TMEFF2: variants seen among roughly 807,000 people sequenced by gnomAD.
The protein encoded by TMEFF2 is transmembrane protein with EGF like and two follistatin like domains 2.
Under a neutral mutation model 53.8 loss-of-function variants are expected in TMEFF2, and 28 were observed. The ratio of observed to expected loss-of-function variants is 0.52; its 90% CI spans 0.39 to 0.71. The LOEUF is 0.71. Ranked by LOEUF, TMEFF2 falls within the 30% of genes least tolerant of loss-of-function variation. The pLI is 0.00. For synonymous variants in TMEFF2, 162 were observed against 166.3 expected (o/e 0.97, Z 0.20); for missense variants, 353 against 455.2 (o/e 0.78, Z 2.04).
chr2:192,147,619 T>A (rs1000828475), intron 4 of TMEFF2, among the ~76,000 whole-genome samples: 1 of 152,020 alleles, frequency 6.6e-6, no homozygotes, highest in Non-Finnish European at 1.5e-5. Flanking sequence ...CTGAGAATGA[T>A]GGTTTCCATT....
intron 5 of TMEFF2, among the ~76,000 whole-genome samples, chr2:192,001,962 C>T (rs1686374095): frequency 6.6e-6 from 1 of 152,170 alleles, no homozygotes; most frequent in Admixed American, 6.5e-5. Context: ...TAAGCTTTAA[C>T]ACCAAATTGA....
intron 4 of TMEFF2, among the ~76,000 whole-genome samples, chr2:192,073,197 G>T (rs957244531): frequency 1.3e-5 from 2 of 151,904 alleles, no homozygotes; most frequent in African/African-American, 4.8e-5. Context: ...TTTTAAATGG[G>T]GAAGATGTGT....
intron 3 of TMEFF2, among the ~76,000 whole-genome samples, chr2:192,182,850 A>G (rs1559161493): frequency 6.6e-6 from 1 of 151,658 alleles, no homozygotes; most frequent in African/African-American, 2.4e-5. Context: ...ACTATTTCTC[A>G]TTTCTTTGGT....
chr2:192,163,819 A>T (rs1690689192), intron 4 of TMEFF2, among the ~76,000 whole-genome samples: 1 of 152,306 alleles, frequency 6.6e-6, no homozygotes, highest in Non-Finnish European at 1.5e-5. Flanking sequence ...GTGCTAAATG[A>T]CGTGATGGGG....
intron 4 of TMEFF2, among the ~76,000 whole-genome samples, chr2:192,118,503 C>T (rs1375404707): frequency 6.6e-6 from 1 of 152,114 alleles, no homozygotes; most frequent in Non-Finnish European, 1.5e-5. Flanking sequence ...CTGAAGTGCC[C>T]TCCTTGTGTG....
chr2:192,094,324 G>T (rs1246325807), intron 4 of TMEFF2, among the ~76,000 whole-genome samples: 1 of 152,070 alleles, frequency 6.6e-6, no homozygotes, highest in African/African-American at 2.4e-5. Flanking sequence ...ATTTTAATGT[G>T]TGATGCAGCT....
At chr2:191,960,434 A>T (rs1692239219) in intron 7 of TMEFF2, among the ~76,000 whole-genome samples, 1 of 152,148 alleles carries the variant, frequency 6.6e-6, no homozygotes, top group African/African-American at 2.4e-5. Flanking sequence ...CAGAGAATTG[A>T]CTAGTTCTGA....
At chr2:192,082,707 C>T (rs886921604) in intron 4 of TMEFF2, among the ~76,000 whole-genome samples, 13 of 152,224 alleles carry the variant, frequency 8.5e-5, no homozygotes, top group East Asian at 1.9e-4. Flanking sequence ...TGACATTCCT[C>T]GAGAATTAGA....
intron 4 of TMEFF2, among the ~76,000 whole-genome samples, chr2:192,135,125 T>C (rs971158362): frequency 2.0e-5 from 3 of 152,220 alleles, no homozygotes; most frequent in Non-Finnish European, 4.4e-5. Flanking sequence ...TCATCCCTAC[T>C]ATTTTCTGTC....
At chr2:192,138,916 G>C (rs1574408249) in intron 4 of TMEFF2, among the ~76,000 whole-genome samples, 1 of 152,082 alleles carries the variant, frequency 6.6e-6, no homozygotes, top group Non-Finnish European at 1.5e-5. Flanking sequence ...TTTTCTCCCT[G>C]GGGGGTTCAA....
intron 4 of TMEFF2, among the ~76,000 whole-genome samples, chr2:192,089,052 TTGTC>T (rs1314077217): frequency 6.6e-6 from 1 of 152,108 alleles, no homozygotes; most frequent in East Asian, 1.9e-4. Flanking sequence ...CAGTAGACAT[TTGTC>T]TGGTAAGTAC....
At chr2:192,013,911 GTAAA>G (rs1377732043) in intron 5 of TMEFF2, among the ~76,000 whole-genome samples, 1 of 151,126 alleles carries the variant, frequency 6.6e-6, no homozygotes, top group African/African-American at 2.5e-5. Context: ...AAATGAATAA[GTAAA>G]TGAATACATT....
At chr2:191,971,199 C>T (rs570190872) in intron 7 of TMEFF2, among the ~76,000 whole-genome samples, 2 of 152,292 alleles carry the variant, frequency 1.3e-5, no homozygotes, top group African/African-American at 4.8e-5. Context: ...TAGTTATTAA[C>T]TAAATGGTAC....
chr2:192,125,601 G>T (rs1204817937), intron 4 of TMEFF2, among the ~76,000 whole-genome samples: 1 of 152,130 alleles, frequency 6.6e-6, no homozygotes, highest in African/African-American at 2.4e-5. Flanking sequence ...ATTCACAATA[G>T]TAAAGACATG....
intron 4 of TMEFF2, among the ~76,000 whole-genome samples, chr2:192,082,470 A>C (rs1224706968): frequency 6.6e-6 from 1 of 152,186 alleles, no homozygotes; most frequent in East Asian, 1.9e-4. Context: ...AATGCTACCA[A>C]AAACAAATGA....
intron 4 of TMEFF2, among the ~76,000 whole-genome samples, chr2:192,092,633 CT>C (rs1362383786): frequency 6.6e-6 from 1 of 152,076 alleles, no homozygotes; most frequent in African/African-American, 2.4e-5. Context: ...CAAAAGCATT[CT>C]TGCTGATGTG....
chr2:191,985,429 G>A (rs917255297), intron 7 of TMEFF2, among the ~76,000 whole-genome samples: 2 of 152,052 alleles, frequency 1.3e-5, no homozygotes, highest in African/African-American at 4.8e-5. Context: ...GTATCAGAGG[G>A]ATTTACCTCA....
chr2:191,964,354 TTCTTTC>T (rs1174946154), intron 7 of TMEFF2, among the ~76,000 whole-genome samples: 19 of 104,632 alleles, frequency 1.8e-4, no homozygotes, highest in Admixed American at 3.1e-4. Flanking sequence ...CTTTCTTTCT[TTCTTTC>T]TTTCTTTCTT....
At chr2:192,048,472 T>A (rs1429560587) in intron 5 of TMEFF2, among the ~76,000 whole-genome samples, 1 of 151,600 alleles carries the variant, frequency 6.6e-6, no homozygotes, top group Non-Finnish European at 1.5e-5. Context: ...GTATTTCTAT[T>A]TTTTTTTAAA....
Sources: gnomAD v4.1 joint callset for allele counts (sites outside exome capture counted in the v4.1 genomes callset) on GRCh38, gnomAD v4.1.1 for gene constraint, MANE v1.5 for transcripts, NCBI Gene and HGNC (gene_info 2026-07-23, HGNC 2026-07-21) for gene names.